The following GPR139 variants were observed in gnomAD, a reference collection of about 807,000 sequenced individuals.
GPR139 encodes the protein G protein-coupled receptor 139.
Under a neutral mutation model 25.8 loss-of-function variants are expected in GPR139, and 12 were observed. That is an observed-to-expected ratio of 0.47 (90% CI 0.30 to 0.75). The LOEUF is 0.75. Ranked by LOEUF, GPR139 falls within the 30% of genes least tolerant of loss-of-function variation. The pLI, the probability that GPR139 is intolerant of heterozygous loss-of-function variation, is 0.07. For synonymous variants in GPR139, 184 were observed against 179.9 expected (o/e 1.02, Z -0.18); for missense variants, 380 against 450.2 (o/e 0.84, Z 1.41).
chr16:20,031,576 C>G lies in GPR139; in HGVS notation c.*159G>C, dbSNP rs964829073. ...CAAGCTTCATGCTCTCCTTTCTTCT[C>G]TTCCATCTCTTCTCATCTACCAGTC... On this transcript the variant is annotated 3_prime_UTR_variant, in exon 2 of 2. Transcript: ENST00000570682. 1 of 635,542 alleles carries G rather than the reference C, an allele frequency of 1.6e-6. No homozygotes were observed. Among genetic ancestry groups the G allele is most frequent in the Non-Finnish European group, 2.8e-6 (1 of 354,780 alleles). The allele number at this position is 635,542 out of a possible 1,614,324, so 39.4% of individuals were successfully genotyped here.
intron 1 of GPR139, among the ~76,000 whole-genome samples, chr16:20,069,378 A>T (rs2057450754): frequency 7.1e-6 from 1 of 139,914 alleles, no homozygotes; most frequent in South Asian, 2.3e-4. Context: ...TAACCTGTTT[A>T]TTCCATTTTC....
chr16:20,064,288 C>G (rs2057423936), intron 1 of GPR139, among the ~76,000 whole-genome samples: 1 of 152,164 alleles, frequency 6.6e-6, no homozygotes, highest in South Asian at 2.1e-4. Context: ...TACCTGTAAT[C>G]CCAGTACTTT....
At chr16:20,047,133 T>C (rs2057357002) in intron 1 of GPR139, among the ~76,000 whole-genome samples, 3 of 151,236 alleles carry the variant, frequency 2.0e-5, no homozygotes, top group African/African-American at 2.4e-5. Flanking sequence ...TTTTTTGAGG[T>C]GGAGTCTCGC....
intron 1 of GPR139, among the ~76,000 whole-genome samples, chr16:20,051,062 CAA>C (rs3041359): frequency 8.2e-6 from 1 of 121,364 alleles, no homozygotes; most frequent in Non-Finnish European, 1.6e-5. Context: ...GACCCTGTTT[CAA>C]AAAAAAAAAA....
chr16:20,049,068 T>A (rs1382196711), intron 1 of GPR139, among the ~76,000 whole-genome samples: 1 of 152,226 alleles, frequency 6.6e-6, no homozygotes, highest in Non-Finnish European at 1.5e-5. Flanking sequence ...ATTTTTATGA[T>A]GCTATTCTTC....
At chr16:20,059,657 CAGGGACTTCTTCGTATTTTTCTTT>C (rs2057403624) in intron 1 of GPR139, among the ~76,000 whole-genome samples, 1 of 152,190 alleles carries the variant, frequency 6.6e-6, no homozygotes, top group Non-Finnish European at 1.5e-5. Context: ...CTTGCTCATG[CAGGGACTTCTTCGTATTTTTCTTT>C]GCTTTCTCCC....
At chr16:20,048,786 A>G (rs1002269776) in intron 1 of GPR139, among the ~76,000 whole-genome samples, 5 of 152,132 alleles carry the variant, frequency 3.3e-5, no homozygotes, top group Non-Finnish European at 5.9e-5. Context: ...TTACCAGCCA[A>G]CATCCAAAAT....
At chr16:20,041,123 A>C (rs13333617) in intron 1 of GPR139, among the ~76,000 whole-genome samples, 8 of 14,368 alleles carry the variant, frequency 5.6e-4, no homozygotes, top group African/African-American at 1.2e-3. Context: ...AAGGAAAGGA[A>C]AGGAAAGGAG....
intron 1 of GPR139, among the ~76,000 whole-genome samples, chr16:20,060,429 G>A (rs371374169): frequency 5.9e-5 from 9 of 152,060 alleles, no homozygotes; most frequent in African/African-American, 1.7e-4. Flanking sequence ...GTCTGCATGT[G>A]TGTCTGTGTG....
At chr16:20,059,821 C>T (rs1012802060) in intron 1 of GPR139, among the ~76,000 whole-genome samples, 1 of 152,206 alleles carries the variant, frequency 6.6e-6, no homozygotes, top group Non-Finnish European at 1.5e-5. Flanking sequence ...TACCTGCTCA[C>T]AGTCTTGCAG....
rs1479163024 is a variant in GPR139 at position 20,056,497 on chromosome 16, G to A, written c.127+16993C>T. Among the ~76,000 whole-genome samples, 3 of 152,164 alleles carry A rather than the reference G, an allele frequency of 2.0e-5. No individual in the cohort carries two copies. In the East Asian group the frequency reaches 5.8e-4, roughly 29 times the overall value. On this transcript the variant is annotated intron_variant, in intron 1 of 1. Coordinates refer to ENST00000570682, the MANE Select transcript of GPR139 (RefSeq NM_001002911.4). ...TCTATATGGGAATGATGAGCCCTGG[G>A]TTTGAGATCCAAGAATGTAGCTTCG...
At chr16:20,034,813 A>G (rs956549254) in intron 1 of GPR139, among the ~76,000 whole-genome samples, 1 of 152,192 alleles carries the variant, frequency 6.6e-6, no homozygotes, top group Non-Finnish European at 1.5e-5. Context: ...AGTTCACTCA[A>G]TTGAATGACT....
At chr16:20,036,267 A>G (rs2057309814) in intron 1 of GPR139, among the ~76,000 whole-genome samples, 1 of 152,174 alleles carries the variant, frequency 6.6e-6, no homozygotes, top group Admixed American at 6.5e-5. Flanking sequence ...GGTCTATTGA[A>G]TCAAGGGTAT....
Position 20,073,634 on chromosome 16 carries a change from C to A in GPR139, c.-18G>T. On this transcript the variant is annotated 5_prime_UTR_variant, in exon 1 of 2. Coordinates refer to ENST00000570682, the MANE Select transcript of GPR139 (RefSeq NM_001002911.4). This position sits in a 1 kb window ranked among gnomAD's most constrained non-coding sequence, Gnocchi z 4.7. The stretch of plus-strand genomic sequence containing the variant: ...TGCTCCATGAGCGCGCCCCTCGCTC[C>A]CCTTGCCGCTTCGCGCCCGGCCTGC... 2 of 1,563,456 alleles carry A rather than the reference C, an allele frequency of 1.3e-6. No individual in the cohort carries two copies. Among genetic ancestry groups the A allele is most frequent in the East Asian group, 2.4e-5 (1 of 41,970 alleles).
At position 20,028,761 on chromosome 16, in the gene GPR139, A is replaced by G. The variant is rs1448166604; in HGVS notation, c.*2974T>C. 6.6e-6 allele frequency among the ~76,000 whole-genome samples: 1 copy of G among 152,186 alleles called. No homozygotes were observed. The highest frequency in any genetic ancestry group is 2.4e-5 in the African/African-American group (1 of 41,458). ...AAAAAGACACAGCATGGTGGTGCGTATCATCATTGCAATGTCCAACCAAGG... is the reference window on the plus strand; with the variant it reads ...AAAAAGACACAGCATGGTGGTGCGTGTCATCATTGCAATGTCCAACCAAGG... On this transcript the variant is annotated 3_prime_UTR_variant, in exon 2 of 2. Transcript: ENST00000570682.
intron 1 of GPR139, among the ~76,000 whole-genome samples, chr16:20,040,800 T>A (rs116271967): frequency 2.6e-5 from 4 of 152,262 alleles, no homozygotes; most frequent in South Asian, 4.1e-4. Flanking sequence ...AGAACTTTTT[T>A]GATTGCAATG....
At chr16:20,060,833 C>T (rs2057410233) in intron 1 of GPR139, among the ~76,000 whole-genome samples, 1 of 152,060 alleles carries the variant, frequency 6.6e-6, no homozygotes, top group Non-Finnish European at 1.5e-5. Flanking sequence ...CCTCCTGCCT[C>T]AGGGTTATGG....
chr16:20,053,753 T>C (rs763174704), intron 1 of GPR139, among the ~76,000 whole-genome samples: 3 of 152,196 alleles, frequency 2.0e-5, no homozygotes, highest in Non-Finnish European at 2.9e-5. Flanking sequence ...AATTAAAATA[T>C]CTGCTAATTT....
chr16:20,051,062 CA>C (rs3041359), intron 1 of GPR139, among the ~76,000 whole-genome samples: 45 of 121,340 alleles, frequency 3.7e-4, no homozygotes, highest in South Asian at 5.7e-4. Context: ...GACCCTGTTT[CA>C]AAAAAAAAAA....
Sources: gnomAD v4.1 joint callset for allele counts (sites outside exome capture counted in the v4.1 genomes callset) on GRCh38, gnomAD v4.1.1 for gene constraint, Gnocchi (gnomAD v3.1) non-coding constraint, MANE v1.5 for transcripts, NCBI Gene and HGNC (gene_info 2026-07-23, HGNC 2026-07-21) for gene names.